The following PLEKHM2 variants were observed in gnomAD, a reference collection of about 807,000 sequenced individuals.
The protein encoded by PLEKHM2 is pleckstrin homology domain-containing family M member 2.
PLEKHM2 carries 77 observed loss-of-function variants against 116.3 expected under a neutral mutation model. The observed-to-expected ratio is 0.66, with a 90% confidence interval of 0.55 to 0.80. The LOEUF (loss-of-function observed/expected upper bound fraction) is 0.80. Among genes scored for constraint, PLEKHM2 ranks in the 30% least tolerant of loss-of-function variants. The probability of loss-of-function intolerance (pLI) is 0.00; values close to 1 mark genes in which losing one functional copy is unlikely to be tolerated. For missense variants in PLEKHM2, 1,183 were observed against 1,354.9 expected (o/e 0.87, Z 1.99); for synonymous variants, 562 against 571.0 (o/e 0.98, Z 0.22).
chr1:15,722,041 AG>A (rs2068003172), intron 7 of PLEKHM2, among the ~76,000 whole-genome samples: 9 of 152,272 alleles, frequency 5.9e-5, no homozygotes, highest in Admixed American at 5.9e-4. Flanking sequence ...AGCTATTCCC[AG>A]GTTGCCACGA....
upstream of PLEKHM2, chr1:15,681,595 AT>A: frequency 2.1e-6 from 1 of 474,732 alleles, no homozygotes; most frequent in Admixed American, 2.3e-5. Flanking sequence ...GGGGGACTGC[AT>A]TTTCATGAAC....
At chr1:15,725,900 A>T in intron 8 of PLEKHM2, 1 of 297,122 alleles carries the variant, frequency 3.4e-6, no homozygotes, top group Non-Finnish European at 6.4e-6. Flanking sequence ...GTGGAGAGAG[A>T]GCTCTCTAGG....
chr1:15,710,769 G>A (rs1372398400), intron 1 of PLEKHM2, among the ~76,000 whole-genome samples: 2 of 152,242 alleles, frequency 1.3e-5, no homozygotes, highest in African/African-American at 4.8e-5. Flanking sequence ...AGTTTTAAAA[G>A]GGGCATATTA....
At chr1:15,689,595 G>A (rs1315147489) in intron 1 of PLEKHM2, among the ~76,000 whole-genome samples, 2 of 152,192 alleles carry the variant, frequency 1.3e-5, no homozygotes, top group Admixed American at 6.5e-5. Context: ...TTCTACTAAT[G>A]CTATAATGAT....
Position 15,728,217 on chromosome 1 carries a change from C to T in PLEKHM2, c.1831-50C>T, listed in dbSNP as rs1353687377. On this transcript the variant is annotated intron_variant, in intron 10 of 19. Transcript: ENST00000375799. The surrounding 1 kb of genome is among the most constrained non-coding windows in gnomAD (Gnocchi z 5.9). ...AAGGCGGGATGGGCCACCGCCCCCG[C>T]TGGAGCGGCAGGAGCCACCTGCCTG... is the stretch of plus-strand genomic sequence containing the variant. 6.2e-7 allele frequency: 1 copy of T among 1,606,706 alleles called. No individual in the cohort carries two copies. Among genetic ancestry groups the T allele is most frequent in the Non-Finnish European group, 8.5e-7 (1 of 1,174,286 alleles).
At chr1:15,702,474 G>A (rs1356594847) in intron 1 of PLEKHM2, among the ~76,000 whole-genome samples, 1 of 151,874 alleles carries the variant, frequency 6.6e-6, no homozygotes, top group African/African-American at 2.4e-5. Flanking sequence ...GGAGTGCAGT[G>A]GCACAATCTC....
chr1:15,688,932 G>A (rs1198540351), intron 1 of PLEKHM2, among the ~76,000 whole-genome samples: 5 of 151,990 alleles, frequency 3.3e-5, no homozygotes, highest in African/African-American at 4.8e-5. Context: ...CCTGCAGAAT[G>A]AGCAAAGACT....
intron 1 of PLEKHM2, among the ~76,000 whole-genome samples, chr1:15,701,139 G>A (rs1012982856): frequency 1.4e-5 from 2 of 147,116 alleles, no homozygotes; most frequent in African/African-American, 5.1e-5. Context: ...AGGGGGTGGG[G>A]GTATGTTATT....
intron 1 of PLEKHM2, among the ~76,000 whole-genome samples, chr1:15,686,568 C>T (rs193238449): frequency 7.3e-5 from 11 of 151,556 alleles, no homozygotes; most frequent in African/African-American, 2.7e-4. Context: ...ACAACCTCCA[C>T]CTCCCAGGTT....
At chr1:15,731,516 G>A (rs888742636) in intron 16 of PLEKHM2, among the ~76,000 whole-genome samples, 1 of 152,132 alleles carries the variant, frequency 6.6e-6, no homozygotes, top group Non-Finnish European at 1.5e-5. Flanking sequence ...AGAAGCTCCC[G>A]GCCTGATGGG....
chr1:15,692,909 T>G (rs1640916699), intron 1 of PLEKHM2, among the ~76,000 whole-genome samples: 1 of 151,308 alleles, frequency 6.6e-6, no homozygotes. Flanking sequence ...CCAGATAATT[T>G]TGTATTTTTA....
intron 1 of PLEKHM2, among the ~76,000 whole-genome samples, chr1:15,706,705 C>T (rs940375794): frequency 2.6e-5 from 4 of 152,156 alleles, no homozygotes; most frequent in African/African-American, 4.8e-5. Flanking sequence ...CTGTGCCCGG[C>T]TTTTGTATTT....
At chr1:15,717,256 T>C (rs1641464214) in intron 3 of PLEKHM2, among the ~76,000 whole-genome samples, 1 of 151,864 alleles carries the variant, frequency 6.6e-6, no homozygotes, top group African/African-American at 2.4e-5. Flanking sequence ...TCTCTAAAGA[T>C]TTAGGAAAAT....
At chr1:15,699,592 T>C (rs1486394348) in intron 1 of PLEKHM2, among the ~76,000 whole-genome samples, 1 of 152,204 alleles carries the variant, frequency 6.6e-6, no homozygotes, top group South Asian at 2.1e-4. Flanking sequence ...CAGTCTATCA[T>C]TGATGGACAT....
intron 19 of PLEKHM2, 22 bp downstream of exon 19, chr1:15,732,750 C>T: frequency 6.6e-7 from 1 of 1,520,994 alleles, no homozygotes; most frequent in Non-Finnish European, 9.0e-7. Context: ...CCCAGGAAAC[C>T]CATTAGCCAG....
chr1:15,704,581 T>C (rs760833789), intron 1 of PLEKHM2, among the ~76,000 whole-genome samples: 1 of 152,240 alleles, frequency 6.6e-6, no homozygotes, highest in Non-Finnish European at 1.5e-5. Flanking sequence ...CTCAATATCA[T>C]CAAATATTTG....
rs116131488 is a variant in PLEKHM2 at position 15,732,548 on chromosome 1, C to T, written c.2805+19C>T. ...CGTCTTGGTGAGCTTTGAGTGGGGG[C>T]GGGGCTGCAAGGCCTGCAGAAGGAA... On this transcript the variant is annotated intron_variant, in intron 18 of 19. Coordinates refer to ENST00000375799, the MANE Select transcript of PLEKHM2 (RefSeq NM_015164.4). The T allele has an allele frequency of 2.5e-4, 401 of 1,606,472 alleles. 2 individuals are homozygous for T. In the African/African-American group the frequency reaches 4.8e-3, roughly 19 times the overall value.
At chr1:15,701,374 A>G (rs934916508) in intron 1 of PLEKHM2, among the ~76,000 whole-genome samples, 17 of 151,936 alleles carry the variant, frequency 1.1e-4, no homozygotes, top group Non-Finnish European at 2.2e-4. Context: ...CGGAGGTTGC[A>G]GTGAGCCAAG....
chr1:15,729,222 T>G lies in PLEKHM2; in HGVS notation c.2075+32T>G. 1 of 1,582,810 alleles carries G rather than the reference T, an allele frequency of 6.3e-7. No individual in the cohort carries two copies. Among genetic ancestry groups the G allele is most frequent in the Non-Finnish European group, 8.6e-7 (1 of 1,160,616 alleles). On this transcript the variant is annotated intron_variant, in intron 13 of 19. Coordinates refer to ENST00000375799, the MANE Select transcript of PLEKHM2 (RefSeq NM_015164.4). This position sits in a 1 kb window ranked among gnomAD's most constrained non-coding sequence, Gnocchi z 4.7. ...GGCAACCCCGCCCCTCTGGAAGGAT[T>G]GGAGAGTTCGCAGCCGCCCATAGGT...
Sources: gnomAD v4.1 joint callset for allele counts (sites outside exome capture counted in the v4.1 genomes callset) on GRCh38, gnomAD v4.1.1 for gene constraint, Gnocchi (gnomAD v3.1) non-coding constraint, MANE v1.5 for transcripts, NCBI Gene and HGNC (gene_info 2026-07-23, HGNC 2026-07-21) for gene names.